ATXN1: variants seen among roughly 807,000 people sequenced by gnomAD.
ATXN1 encodes the protein ataxin-1.
ATXN1 carries 8 observed loss-of-function variants against 56.4 expected under a neutral mutation model. The observed-to-expected ratio is 0.14, with a 90% CI of 0.08 to 0.26. The LOEUF (loss-of-function observed/expected upper bound fraction) is 0.26. Among genes scored for constraint, ATXN1 ranks in the 10% least tolerant of loss-of-function variants. The pLI, the probability that ATXN1 is intolerant of heterozygous loss-of-function variation, is 1.00. For synonymous variants in ATXN1, 514 were observed against 494.6 expected (o/e 1.04, Z -0.52); for missense variants, 987 against 1,106.5 (o/e 0.89, Z 1.53).
At chr6:16,495,303 T>C (rs1760757550) in intron 5 of ATXN1, among the ~76,000 whole-genome samples, 1 of 152,218 alleles carries the variant, frequency 6.6e-6, no homozygotes, top group Non-Finnish European at 1.5e-5. Context: ...TTGAGAGTTA[T>C]ATGATAGTAT....
intron 6 of ATXN1, among the ~76,000 whole-genome samples, chr6:16,443,764 G>A (rs1385448710): frequency 6.6e-6 from 1 of 152,158 alleles, no homozygotes; most frequent in Non-Finnish European, 1.5e-5. Context: ...AATGAATGAA[G>A]TTAAGTAAAA....
intron 3 of ATXN1, among the ~76,000 whole-genome samples, chr6:16,628,378 T>A (rs1046844956): frequency 6.6e-6 from 1 of 152,246 alleles, no homozygotes; most frequent in African/African-American, 2.4e-5. Flanking sequence ...AGTGAGTTAC[T>A]TTTACTGGCA....
Position 16,454,123 on chromosome 6 carries a change from CTCAAAAAAAAAA to C in ATXN1, c.-161+31837_-161+31848del, listed in dbSNP as rs1390122942. ...CTGGGCAATAAGAGCGAGACTCTGT[CTCAAAAAAAAAA>C]AAAAAAAAAAAAAAAAAAACAGAAG... On this transcript the variant is annotated intron_variant, in intron 6 of 7. Coordinates refer to ENST00000436367, the MANE Select transcript of ATXN1 (RefSeq NM_001128164.2). 1.4e-3 allele frequency among the ~76,000 whole-genome samples: 101 copies of C among 73,672 alleles called. 1 individual carries two copies. The highest frequency in any genetic ancestry group is 4.5e-3 in the Admixed American group (30 of 6,628). 48.3% of individuals were successfully genotyped at this position (73,672 alleles called of 152,430 possible).
chr6:16,400,105 C>T (rs947225683), intron 6 of ATXN1, among the ~76,000 whole-genome samples: 6 of 152,294 alleles, frequency 3.9e-5, no homozygotes, highest in African/African-American at 1.2e-4. Context: ...GCTTCCTAGA[C>T]ACTTGAAACT....
At chr6:16,578,207 C>G (rs1762459964) in intron 4 of ATXN1, among the ~76,000 whole-genome samples, 1 of 152,124 alleles carries the variant, frequency 6.6e-6, no homozygotes, top group Admixed American at 6.5e-5. Context: ...AACTAAAATG[C>G]CCAGGTTCCC....
At chr6:16,450,924 G>T (rs1238706874) in intron 6 of ATXN1, among the ~76,000 whole-genome samples, 9 of 152,140 alleles carry the variant, frequency 5.9e-5, no homozygotes, top group Non-Finnish European at 1.2e-4. Context: ...GATCCATGAG[G>T]ATTAAAAGGA....
At chr6:16,541,571 C>T (rs1467613272) in intron 4 of ATXN1, among the ~76,000 whole-genome samples, 1 of 152,202 alleles carries the variant, frequency 6.6e-6, no homozygotes, top group Admixed American at 6.5e-5. Flanking sequence ...CTCCCTAGAA[C>T]TGGACGCCTT....
At chr6:16,355,255 C>A (rs1761661359) in intron 6 of ATXN1, among the ~76,000 whole-genome samples, 1 of 152,204 alleles carries the variant, frequency 6.6e-6, no homozygotes, top group Non-Finnish European at 1.5e-5. Flanking sequence ...TTTGCACAAA[C>A]TTACATACAG....
chr6:16,660,673 A>C lies in ATXN1; in HGVS notation c.-614-2772T>G, dbSNP rs575180005. Among the ~76,000 whole-genome samples the C allele has an allele frequency of 3.3e-5, 5 of 152,332 alleles. 1 individual carries two copies. The highest frequency in any genetic ancestry group is 1.2e-4 in the African/African-American group (5 of 41,590). ...TGTATTTGAATGTTTCAAATCAAAT[A>C]AAATCATAACAAACACAACTATCTT... On this transcript the variant is annotated intron_variant, in intron 2 of 7. Transcript: ENST00000436367.
intron 2 of ATXN1, among the ~76,000 whole-genome samples, chr6:16,699,993 G>A (rs771902274): frequency 2.6e-5 from 4 of 152,026 alleles, no homozygotes; most frequent in East Asian, 1.9e-4. Flanking sequence ...AAAATGATCC[G>A]CTGAATGAAA....
At chr6:16,558,031 G>A (rs1010831267) in intron 4 of ATXN1, among the ~76,000 whole-genome samples, 7 of 152,192 alleles carry the variant, frequency 4.6e-5, no homozygotes, top group Non-Finnish European at 8.8e-5. Flanking sequence ...GGAAATGGGG[G>A]AGTGGGTGCT....
intron 2 of ATXN1, among the ~76,000 whole-genome samples, chr6:16,674,667 T>G (rs1758622859): frequency 2.0e-5 from 3 of 151,992 alleles, no homozygotes; most frequent in African/African-American, 7.2e-5. Context: ...TACAGAGAAC[T>G]TCCTAAAGTT....
At chr6:16,320,471 C>T (rs1283523043) in intron 7 of ATXN1, among the ~76,000 whole-genome samples, 2 of 152,112 alleles carry the variant, frequency 1.3e-5, no homozygotes, top group Non-Finnish European at 1.5e-5. Context: ...AGCAAAGGAA[C>T]GTGTCAACCC....
intron 4 of ATXN1, among the ~76,000 whole-genome samples, chr6:16,540,283 C>T (rs1002145721): frequency 1.3e-5 from 2 of 152,144 alleles, no homozygotes; most frequent in African/African-American, 4.8e-5. Context: ...ATGATCTCGG[C>T]TCAATGCAAC....
At chr6:16,440,981 T>C (rs1759506512) in intron 6 of ATXN1, among the ~76,000 whole-genome samples, 2 of 152,162 alleles carry the variant, frequency 1.3e-5, no homozygotes, top group Non-Finnish European at 2.9e-5. Context: ...CTGAAGGTTT[T>C]GGCACAACGG....
intron 4 of ATXN1, among the ~76,000 whole-genome samples, chr6:16,531,476 AGCTGGGCGT>A (rs1761502142): frequency 2.6e-5 from 4 of 152,098 alleles, no homozygotes; most frequent in Admixed American, 2.0e-4. Context: ...TACAAAAATG[AGCTGGGCGT>A]GGTGGCAGAC....
intron 7 of ATXN1, among the ~76,000 whole-genome samples, chr6:16,321,590 T>C (rs1760653830): frequency 1.3e-5 from 2 of 152,346 alleles, no homozygotes; most frequent in South Asian, 4.1e-4. Context: ...GCCACAGGGA[T>C]AGTGACAAAC....
rs1169124930 is a variant in ATXN1, at chr6:16,404,033, TG to T, written c.-160-75564del. On this transcript the variant is annotated intron_variant, in intron 6 of 7. Coordinates refer to ENST00000436367, the MANE Select transcript of ATXN1 (RefSeq NM_001128164.2). The stretch of plus-strand genomic sequence containing the variant: ...CTAAAATTGAAAAGTTACTGCTTTG[TG>T]GGATAATATGGTAAATTCTGGCTTT... Among the ~76,000 whole-genome samples, 8 of 152,152 alleles carry T rather than the reference TG, an allele frequency of 5.3e-5. No homozygotes were observed. The East Asian group carries it at 1.5e-3, about 29-fold the overall frequency.
chr6:16,325,522 C>T (rs1435959016), intron 7 of ATXN1, among the ~76,000 whole-genome samples: 4 of 152,034 alleles, frequency 2.6e-5, no homozygotes, highest in South Asian at 2.1e-4. Flanking sequence ...ATCCTAAACC[C>T]GTTTACCCTG....
Sources: allele counts gnomAD v4.1 joint callset (sites outside exome capture counted in the v4.1 genomes callset), GRCh38; gene constraint gnomAD v4.1.1; transcripts MANE v1.5; gene names NCBI Gene and HGNC (gene_info 2026-07-23, HGNC 2026-07-21).